The following GPHN variants were observed in gnomAD, a reference collection of about 807,000 sequenced individuals.
GPHN encodes the protein gephyrin.
Under a neutral mutation model 95.5 loss-of-function variants are expected in GPHN, and 17 were observed. The ratio of observed to expected loss-of-function variants is 0.18; its 90% CI spans 0.12 to 0.27. GPHN has a LOEUF of 0.27. GPHN is among the 10% of genes least tolerant of loss of function. The probability of loss-of-function intolerance (pLI) is 1.00; values close to 1 mark genes in which losing one functional copy is unlikely to be tolerated. For synonymous variants in GPHN, 320 were observed against 322.5 expected (o/e 0.99, Z 0.08); for missense variants, 660 against 978.1 (o/e 0.67, Z 4.34).
chr14:67,368,645 T>G, the GPHN span, among the ~76,000 whole-genome samples: 3 of 149,838 alleles, frequency 2.0e-5, no homozygotes, highest in Non-Finnish European at 4.4e-5. Context: ...GGTAAATAGA[T>G]CTATATGATT....
chr14:66,735,802 T>A (rs1201606620), intron 2 of GPHN, among the ~76,000 whole-genome samples: 1 of 152,152 alleles, frequency 6.6e-6, no homozygotes. Flanking sequence ...TTTATGTTTA[T>A]GATAAGTGGG....
chr14:66,837,147 A>G (rs1323543790), intron 4 of GPHN, among the ~76,000 whole-genome samples: 1 of 151,514 alleles, frequency 6.6e-6, no homozygotes, highest in African/African-American at 2.4e-5. Flanking sequence ...ATGCACACGT[A>G]TGTTTATTAC....
At chr14:67,543,228 CA>C in the GPHN span, among the ~76,000 whole-genome samples, 1 of 152,158 alleles carries the variant, frequency 6.6e-6, no homozygotes, top group African/African-American at 2.4e-5. Context: ...TAGTAAAGCC[CA>C]AATGGATGAC....
chr14:66,697,618 G>A (rs893357916), intron 2 of GPHN, among the ~76,000 whole-genome samples: 1 of 149,990 alleles, frequency 6.7e-6, no homozygotes, highest in Non-Finnish European at 1.5e-5. Flanking sequence ...TAATCTAGGG[G>A]TTGGCAAACT....
intron 1 of GPHN, among the ~76,000 whole-genome samples, chr14:66,599,478 A>G (rs1292317024): frequency 1.5e-5 from 2 of 133,502 alleles, no homozygotes; most frequent in Non-Finnish European, 3.0e-5. Context: ...TTAACTAAGC[A>G]GGTTTTTTTG....
chr14:66,929,648 G>A (rs1283920828), intron 8 of GPHN, among the ~76,000 whole-genome samples: 5 of 149,226 alleles, frequency 3.4e-5, no homozygotes, highest in Non-Finnish European at 7.4e-5. Flanking sequence ...CTCTTTTTGG[G>A]TTTCCACTTG....
intron 5 of GPHN, among the ~76,000 whole-genome samples, chr14:66,906,476 A>G (rs960337244): frequency 8.5e-5 from 13 of 152,188 alleles, no homozygotes; most frequent in African/African-American, 2.9e-4. Flanking sequence ...GCTTCGTGCA[A>G]GGCAGGATGG....
At chr14:67,027,202 T>G (rs1233205076) in intron 10 of GPHN, among the ~76,000 whole-genome samples, 1 of 152,250 alleles carries the variant, frequency 6.6e-6, no homozygotes, top group Non-Finnish European at 1.5e-5. Context: ...TCAACCACTT[T>G]ATTTTTAATA....
intron 1 of GPHN, among the ~76,000 whole-genome samples, chr14:66,522,135 G>A (rs1272134060): frequency 6.6e-6 from 1 of 152,058 alleles, no homozygotes; most frequent in Non-Finnish European, 1.5e-5. Context: ...TGTATATCAG[G>A]AGAACTCACA....
downstream of GPHN, among the ~76,000 whole-genome samples, chr14:67,182,078 A>G (rs1298219573): frequency 6.6e-6 from 1 of 152,186 alleles, no homozygotes; most frequent in African/African-American, 2.4e-5. Context: ...ATTTAGAGGA[A>G]GGGTACTAAT....
intron 4 of GPHN, among the ~76,000 whole-genome samples, chr14:66,831,620 T>C (rs950618774): frequency 2.6e-5 from 4 of 152,316 alleles, no homozygotes; most frequent in Admixed American, 1.3e-4. Flanking sequence ...ATATTAGTGC[T>C]ACTACTTACT....
intron 9 of GPHN, chr14:66,985,609 C>A (rs1256733637): frequency 2.2e-6 from 2 of 916,014 alleles, no homozygotes; most frequent in South Asian, 1.4e-5. Context: ...GTATTACTTA[C>A]TAATGTATAG....
chr14:67,310,972 GTATTACTTT>G, the GPHN span, among the ~76,000 whole-genome samples: 1 of 152,106 alleles, frequency 6.6e-6, no homozygotes, highest in Non-Finnish European at 1.5e-5. Context: ...GGGTAGACTG[GTATTACTTT>G]TATTACATAT....
At chr14:67,049,376 C>G (rs1353365207) in intron 10 of GPHN, among the ~76,000 whole-genome samples, 1 of 151,888 alleles carries the variant, frequency 6.6e-6, no homozygotes, top group South Asian at 2.1e-4. Context: ...TACAGGCGCC[C>G]GCCACCACAC....
chr14:66,536,361 G>C (rs1293564240), intron 1 of GPHN, among the ~76,000 whole-genome samples: 1 of 152,106 alleles, frequency 6.6e-6, no homozygotes, highest in East Asian at 1.9e-4. Context: ...GAATTACATT[G>C]ATTGATTTTT....
chr14:67,147,523 TGTTTTGAG>T (rs1165174630), intron 18 of GPHN, among the ~76,000 whole-genome samples: 2 of 151,996 alleles, frequency 1.3e-5, no homozygotes, highest in Admixed American at 6.6e-5. Flanking sequence ...TGTTTTGTTT[TGTTTTGAG>T]GTTTTTGTTG....
intron 1 of GPHN, among the ~76,000 whole-genome samples, chr14:66,558,028 A>G (rs2060076667): frequency 6.6e-6 from 1 of 152,136 alleles, no homozygotes; most frequent in Non-Finnish European, 1.5e-5. Flanking sequence ...TTATTATTTT[A>G]GGAGTAGTTT....
chr14:67,607,609 C>G, the GPHN span, among the ~76,000 whole-genome samples: 1 of 152,202 alleles, frequency 6.6e-6, no homozygotes, highest in Non-Finnish European at 1.5e-5. Flanking sequence ...TCGTGATCTG[C>G]CCGCCTCGGC....
chr14:66,592,076 G>C (rs1158946951), intron 1 of GPHN, among the ~76,000 whole-genome samples: 1 of 152,150 alleles, frequency 6.6e-6, no homozygotes, highest in Non-Finnish European at 1.5e-5. Context: ...TTAATAAATG[G>C]TGTTGGGAAA....
Sources: gnomAD v4.1 joint callset for allele counts (sites outside exome capture counted in the v4.1 genomes callset) on GRCh38, gnomAD v4.1.1 for gene constraint, MANE v1.5 for transcripts, NCBI Gene and HGNC (gene_info 2026-07-23, HGNC 2026-07-21) for gene names.